The following KCNT2 variants were observed in gnomAD, a reference collection of about 807,000 sequenced individuals.
The protein encoded by KCNT2 is potassium sodium-activated channel subfamily T member 2, also known as potassium channel subfamily T member 2.
A neutral mutation model predicts 153.8 loss-of-function variants in KCNT2; 67 were observed. That is an observed-to-expected ratio of 0.44 (90% CI 0.36 to 0.53). The LOEUF is 0.53. Ranked by LOEUF, KCNT2 falls within the 20% of genes least tolerant of loss-of-function variation. The pLI, the probability that KCNT2 is intolerant of heterozygous loss-of-function variation, is 0.00. For synonymous variants in KCNT2, 500 were observed against 458.8 expected, an observed-to-expected ratio of 1.09 and a Z score of -1.15; for missense variants, 975 against 1,354.8, an observed-to-expected ratio of 0.72 and a Z score of 4.40.
At chr1:196,329,509 A>G (rs1572056949) in intron 18 of KCNT2, among the ~76,000 whole-genome samples, 1 of 151,970 alleles carries the variant, frequency 6.6e-6, no homozygotes, top group South Asian at 2.1e-4. Context: ...TTTGTCTCCT[A>G]ATATTTTTTT....
intron 1 of KCNT2, among the ~76,000 whole-genome samples, chr1:196,493,633 T>C (rs943838334): frequency 1.3e-5 from 2 of 152,112 alleles, no homozygotes; most frequent in Admixed American, 1.3e-4. Context: ...ACACATGCCA[T>C]GTGTATGGTT....
At chr1:196,453,950 A>G (rs1201499808) in intron 8 of KCNT2, among the ~76,000 whole-genome samples, 1 of 152,016 alleles carries the variant, frequency 6.6e-6, no homozygotes, top group South Asian at 2.1e-4. Context: ...GATTAAATGA[A>G]TGCATTGCAT....
intron 5 of KCNT2, among the ~76,000 whole-genome samples, chr1:196,477,432 C>CA (rs902526993): frequency 8.6e-5 from 13 of 151,534 alleles, no homozygotes; most frequent in African/African-American, 1.9e-4. Context: ...CAAAAAAATA[C>CA]AAAAAAAATT....
intron 5 of KCNT2, among the ~76,000 whole-genome samples, chr1:196,472,140 GAACT>G (rs1199565277): frequency 2.0e-5 from 3 of 152,102 alleles, no homozygotes; most frequent in African/African-American, 7.2e-5. Flanking sequence ...ACATTTCAGT[GAACT>G]AATTTTTTAA....
intron 1 of KCNT2, among the ~76,000 whole-genome samples, chr1:196,592,343 T>C (rs1198211235): frequency 6.6e-6 from 1 of 151,372 alleles, no homozygotes; most frequent in East Asian, 1.9e-4. Context: ...GAATGTTTAA[T>C]AGAGGCTGGG....
At chr1:196,364,620 T>C (rs974462398) in intron 14 of KCNT2, among the ~76,000 whole-genome samples, 5 of 152,146 alleles carry the variant, frequency 3.3e-5, no homozygotes, top group African/African-American at 9.6e-5. Flanking sequence ...ACCACCTTTC[T>C]GTAATTTTAC....
chr1:196,434,829 C>A, intron 8 of KCNT2, among the ~76,000 whole-genome samples: 1 of 151,328 alleles, frequency 6.6e-6, no homozygotes, highest in Non-Finnish European at 1.5e-5. Flanking sequence ...TACTTGATAC[C>A]CTGAGACCAC....
intron 6 of KCNT2, 65 bp downstream of exon 6, chr1:196,468,929 A>T (rs1239276441): frequency 2.2e-6 from 2 of 901,628 alleles, no homozygotes; most frequent in African/African-American, 3.4e-5. Flanking sequence ...AACAGTATCT[A>T]GGTTTAAATA....
At chr1:196,284,437 C>A (rs115526049) in intron 23 of KCNT2, among the ~76,000 whole-genome samples, 1,583 of 149,554 alleles carry the variant, frequency 0.011, 26 homozygotes, top group African/African-American at 0.036. Flanking sequence ...TTCTATTTAA[C>A]TTATACATGA....
intron 13 of KCNT2, among the ~76,000 whole-genome samples, chr1:196,387,192 A>C (rs569735804): frequency 6.6e-6 from 1 of 152,110 alleles, no homozygotes; most frequent in South Asian, 2.1e-4. Context: ...ATATTCCTTT[A>C]TAAAGTGAAT....
chr1:196,270,900 C>A (rs1012502507), intron 25 of KCNT2, among the ~76,000 whole-genome samples: 5 of 151,738 alleles, frequency 3.3e-5, no homozygotes, highest in African/African-American at 1.2e-4. Flanking sequence ...GAGGGGCTAT[C>A]ACTCAATCAC....
chr1:196,552,770 A>G (rs1658088187), intron 1 of KCNT2, among the ~76,000 whole-genome samples: 1 of 151,394 alleles, frequency 6.6e-6, no homozygotes, highest in Non-Finnish European at 1.5e-5. Context: ...AAAAGCAGGG[A>G]AATATAGTTA....
At chr1:196,378,826 T>G (rs988701732) in intron 13 of KCNT2, among the ~76,000 whole-genome samples, 1 of 146,968 alleles carries the variant, frequency 6.8e-6, no homozygotes, top group Non-Finnish European at 1.5e-5. Flanking sequence ...TATATATATA[T>G]TATATATATA....
chr1:196,494,493 G>A (rs1477382454), intron 1 of KCNT2, among the ~76,000 whole-genome samples: 3 of 151,900 alleles, frequency 2.0e-5, no homozygotes, highest in Admixed American at 6.6e-5. Flanking sequence ...TCCACCTCCC[G>A]GGTTCACGCC....
intron 8 of KCNT2, among the ~76,000 whole-genome samples, chr1:196,457,426 A>T (rs1424660257): frequency 6.6e-6 from 1 of 151,584 alleles, no homozygotes; most frequent in Non-Finnish European, 1.5e-5. Context: ...TGAATTGATT[A>T]ATGAAAAAGG....
chr1:196,282,613 T>C (rs1356178103), intron 23 of KCNT2, among the ~76,000 whole-genome samples: 1 of 152,194 alleles, frequency 6.6e-6, no homozygotes, highest in African/African-American at 2.4e-5. Context: ...ACATTTTATG[T>C]GTGTTATTAG....
intron 22 of KCNT2, among the ~76,000 whole-genome samples, chr1:196,300,436 AC>A (rs1264279490): frequency 6.6e-6 from 1 of 151,862 alleles, no homozygotes; most frequent in African/African-American, 2.4e-5. Context: ...ACCTTCTCTC[AC>A]CCCTTCTTCC....
chr1:196,491,749 C>A (rs1331648684), intron 2 of KCNT2, among the ~76,000 whole-genome samples: 1 of 151,918 alleles, frequency 6.6e-6, no homozygotes, highest in Non-Finnish European at 1.5e-5. Context: ...ACTCTGAGAT[C>A]TACCCTACAC....
intron 20 of KCNT2, among the ~76,000 whole-genome samples, chr1:196,316,985 A>G (rs1326071648): frequency 2.0e-5 from 3 of 151,746 alleles, no homozygotes; most frequent in Non-Finnish European, 4.4e-5. Flanking sequence ...GATTTATAAT[A>G]GGATGTTTAA....
Sources: allele counts gnomAD v4.1 joint callset (sites outside exome capture counted in the v4.1 genomes callset), GRCh38; gene constraint gnomAD v4.1.1; transcripts MANE v1.5; gene names NCBI Gene and HGNC (gene_info 2026-07-23, HGNC 2026-07-21).